PCSK5: variants seen among roughly 807,000 people sequenced by gnomAD.
PCSK5 encodes prohormone convertase 5.
Under a neutral mutation model 233.2 loss-of-function variants are expected in PCSK5, and 129 were observed. The ratio of observed to expected loss-of-function variants is 0.55; its 90% CI spans 0.48 to 0.64. PCSK5 has a LOEUF of 0.64. PCSK5 is among the 30% of genes least tolerant of loss of function. PCSK5 has a pLI of 0.00. For synonymous variants in PCSK5, 825 were observed against 879.2 expected, an observed-to-expected ratio of 0.94 and a Z score of 1.09; for missense variants, 2,076 against 2,430.1, an observed-to-expected ratio of 0.85 and a Z score of 3.06.
At chr9:76,139,219 T>A (rs1032845382) in intron 10 of PCSK5, among the ~76,000 whole-genome samples, 1 of 152,160 alleles carries the variant, frequency 6.6e-6, no homozygotes, top group Non-Finnish European at 1.5e-5. Flanking sequence ...TTAAGCATGC[T>A]GTGTGTTCAA....
chr9:76,071,074 G>T (rs1830464376), intron 6 of PCSK5, among the ~76,000 whole-genome samples: 1 of 152,058 alleles, frequency 6.6e-6, no homozygotes, highest in Admixed American at 6.5e-5. Flanking sequence ...GCAAAATAGG[G>T]TTAATAGTAA....
intron 6 of PCSK5, among the ~76,000 whole-genome samples, chr9:76,071,410 A>G (rs1830476333): frequency 6.6e-6 from 1 of 152,178 alleles, no homozygotes; most frequent in Non-Finnish European, 1.5e-5. Context: ...GATTGCTTGA[A>G]GATCTCTTTG....
chr9:76,248,911 C>A (rs938242698), intron 24 of PCSK5, among the ~76,000 whole-genome samples: 3 of 152,178 alleles, frequency 2.0e-5, no homozygotes, highest in Non-Finnish European at 2.9e-5. Context: ...GGACTACAGG[C>A]ATGCACTATT....
intron 2 of PCSK5, among the ~76,000 whole-genome samples, chr9:75,935,670 T>G (rs924676785): frequency 1.3e-5 from 2 of 152,192 alleles, no homozygotes; most frequent in African/African-American, 4.8e-5. Flanking sequence ...TCTTCAGCTT[T>G]CTTTTTTTTT....
chr9:75,985,413 C>T (rs1309535219), intron 2 of PCSK5, among the ~76,000 whole-genome samples: 3 of 152,042 alleles, frequency 2.0e-5, no homozygotes, highest in Non-Finnish European at 4.4e-5. Context: ...TGAGTGGCTT[C>T]TCCAATTTTG....
intron 24 of PCSK5, among the ~76,000 whole-genome samples, chr9:76,273,780 A>G (rs1564149028): frequency 6.7e-6 from 1 of 150,230 alleles, no homozygotes; most frequent in Admixed American, 6.6e-5. Flanking sequence ...TTACAGGTGC[A>G]TGCTATCATA....
At chr9:76,129,618 A>G (rs1422601170) in intron 9 of PCSK5, among the ~76,000 whole-genome samples, 1 of 151,990 alleles carries the variant, frequency 6.6e-6, no homozygotes, top group African/African-American at 2.4e-5. Flanking sequence ...CAAGATTTCA[A>G]ATTGGTCCTT....
intron 2 of PCSK5, among the ~76,000 whole-genome samples, chr9:75,983,610 A>G (rs113975305): frequency 2.4e-4 from 37 of 152,214 alleles, no homozygotes; most frequent in Non-Finnish European, 5.0e-4. Context: ...TGTAGCTTTT[A>G]CACCCTGAAT....
chr9:76,353,173 A>G (rs1830210492), intron 36 of PCSK5, among the ~76,000 whole-genome samples: 1 of 152,218 alleles, frequency 6.6e-6, no homozygotes, highest in South Asian at 2.1e-4. Flanking sequence ...AACAAAAGCA[A>G]TTTCCATTCC....
intron 9 of PCSK5, among the ~76,000 whole-genome samples, chr9:76,111,853 A>G (rs924569368): frequency 2.0e-5 from 3 of 152,224 alleles, no homozygotes; most frequent in African/African-American, 4.8e-5. Context: ...GTCCTAGTAT[A>G]TGTTCCCAGT....
intron 8 of PCSK5, among the ~76,000 whole-genome samples, chr9:76,105,350 A>G (rs533908980): frequency 6.6e-6 from 1 of 152,330 alleles, no homozygotes; most frequent in Admixed American, 6.5e-5. Context: ...AGCAGTAGAA[A>G]GAAGAACGGT....
intron 5 of PCSK5, among the ~76,000 whole-genome samples, chr9:76,060,812 A>G (rs1309717823): frequency 6.6e-6 from 1 of 152,180 alleles, no homozygotes; most frequent in African/African-American, 2.4e-5. Context: ...TAGAATACAT[A>G]ACAACCAAGC....
intron 37 of PCSK5, among the ~76,000 whole-genome samples, chr9:76,355,132 A>G (rs1442786595): frequency 6.6e-6 from 1 of 152,112 alleles, no homozygotes; most frequent in Admixed American, 6.5e-5. Flanking sequence ...CTTGGTTCTC[A>G]TTGGTCACAA....
At chr9:76,135,742 C>T (rs1822943627) in intron 10 of PCSK5, among the ~76,000 whole-genome samples, 1 of 152,114 alleles carries the variant, frequency 6.6e-6, no homozygotes, top group Non-Finnish European at 1.5e-5. Context: ...GGAGCTGACA[C>T]ATAACCTTAG....
At chr9:76,272,272 A>G (rs1827538343) in intron 24 of PCSK5, among the ~76,000 whole-genome samples, 1 of 152,110 alleles carries the variant, frequency 6.6e-6, no homozygotes. Flanking sequence ...TACCCATCTC[A>G]ACAACTATAC....
chr9:75,958,672 G>A (rs1825202822), intron 2 of PCSK5, among the ~76,000 whole-genome samples: 1 of 152,180 alleles, frequency 6.6e-6, no homozygotes, highest in African/African-American at 2.4e-5. Context: ...TTGATTTGGA[G>A]TCAGAAGAAC....
rs151273645 is a variant in PCSK5, at chr9:76,191,368, G to C, written c.2626+1622G>C. 8.5e-5 allele frequency among the ~76,000 whole-genome samples: 13 copies of C among 152,284 alleles called. No homozygotes were observed. The East Asian group carries it at 2.5e-3, about 29-fold the overall frequency. The stretch of plus-strand genomic sequence containing the variant: ...ATGTGGACTTGGAAGTCAGAATGCT[G>C]TCATTCATACCTGGTCTCCAGGCCT... On this transcript the variant is annotated intron_variant, in intron 20 of 37. Transcript: ENST00000674117.
chr9:76,123,096 G>T (rs1355831890), intron 9 of PCSK5, among the ~76,000 whole-genome samples: 1 of 151,890 alleles, frequency 6.6e-6, no homozygotes, highest in Non-Finnish European at 1.5e-5. Flanking sequence ...CGCCCACCAT[G>T]GCCTCTCAAA....
chr9:75,976,299 CACACACACACACACACACACACA>C (rs1826015554), intron 2 of PCSK5, among the ~76,000 whole-genome samples: 1 of 71,702 alleles, frequency 1.4e-5, no homozygotes, highest in Non-Finnish European at 4.5e-5. Flanking sequence ...CACACACACA[CACACACACACACACACACACACA>C]CCTTTTTCTC....
Sources: allele counts gnomAD v4.1 joint callset (sites outside exome capture counted in the v4.1 genomes callset), GRCh38; gene constraint gnomAD v4.1.1; transcripts MANE v1.5; gene names NCBI Gene and HGNC (gene_info 2026-07-23, HGNC 2026-07-21).